Variants in PCDH15 observed in about 807,000 individuals in gnomAD.
The protein encoded by PCDH15 is protocadherin-15.
PCDH15 carries 129 observed loss-of-function variants against 178.5 expected under a neutral mutation model. The ratio of observed to expected loss-of-function variants is 0.72; its 90% CI spans 0.63 to 0.84. The LOEUF (loss-of-function observed/expected upper bound fraction) is 0.84, where lower values mean the gene tolerates loss of function less well. PCDH15 is among the 40% of genes least tolerant of loss of function. PCDH15 has a pLI of 0.00. For synonymous variants in PCDH15, 800 were observed against 732.0 expected, an observed-to-expected ratio of 1.09 and a Z score of -1.50; for missense variants, 2,230 against 2,099.9, an observed-to-expected ratio of 1.06 and a Z score of -1.21.
At chr10:55,343,324 A>G (rs1383224837) in intron 2 of PCDH15, among the ~76,000 whole-genome samples, 1 of 152,138 alleles carries the variant, frequency 6.6e-6, no homozygotes, top group Non-Finnish European at 1.5e-5. Flanking sequence ...AACAAAAACC[A>G]ACTTTTATTC....
chr10:55,140,494 T>C (rs868315484), intron 2 of PCDH15, among the ~76,000 whole-genome samples: 10 of 151,976 alleles, frequency 6.6e-5, no homozygotes, highest in African/African-American at 2.4e-4. Flanking sequence ...CCTATGTATA[T>C]ATTAGATTAC....
At chr10:55,612,443 A>G (rs1843387203) in intron 2 of PCDH15, among the ~76,000 whole-genome samples, 2 of 152,130 alleles carry the variant, frequency 1.3e-5, no homozygotes, top group African/African-American at 4.8e-5. Context: ...ACGTCATAAG[A>G]AGACAGGAAA....
intron 2 of PCDH15, among the ~76,000 whole-genome samples, chr10:55,088,775 A>G (rs1842242636): frequency 6.6e-6 from 1 of 151,554 alleles, no homozygotes; most frequent in Non-Finnish European, 1.5e-5. Flanking sequence ...AATTTAAAGA[A>G]TACCTTCATA....
At chr10:54,121,483 A>G (rs2095218632) in intron 15 of PCDH15, among the ~76,000 whole-genome samples, 1 of 152,118 alleles carries the variant, frequency 6.6e-6, no homozygotes, top group Non-Finnish European at 1.5e-5. Flanking sequence ...ATTCCACACA[A>G]AGGATAAATG....
At chr10:55,455,715 T>A (rs1839536056) in intron 2 of PCDH15, among the ~76,000 whole-genome samples, 1 of 151,910 alleles carries the variant, frequency 6.6e-6, no homozygotes, top group Non-Finnish European at 1.5e-5. Flanking sequence ...TGAGGACAAT[T>A]TGCCTGTATA....
chr10:54,811,552 C>T (rs1255074590), intron 3 of PCDH15, among the ~76,000 whole-genome samples: 1 of 152,120 alleles, frequency 6.6e-6, no homozygotes, highest in Non-Finnish European at 1.5e-5. Context: ...CTCACTGCAA[C>T]CTCTGCCTCC....
intron 2 of PCDH15, among the ~76,000 whole-genome samples, chr10:55,433,533 C>T (rs987549803): frequency 6.6e-6 from 1 of 151,930 alleles, no homozygotes; most frequent in Non-Finnish European, 1.5e-5. Flanking sequence ...TGCAATTTAG[C>T]TATATAACAA....
At chr10:54,752,131 C>G (rs559798722) in intron 1 of PCDH15, among the ~76,000 whole-genome samples, 13 of 152,208 alleles carry the variant, frequency 8.5e-5, no homozygotes, top group African/African-American at 3.1e-4. Context: ...TGTATAAGCA[C>G]TAAACATTGT....
At chr10:53,973,703 T>C (rs2089954465) in intron 21 of PCDH15, among the ~76,000 whole-genome samples, 1 of 152,138 alleles carries the variant, frequency 6.6e-6, no homozygotes, top group Non-Finnish European at 1.5e-5. Context: ...ATTCACACAG[T>C]ATTACCACTA....
At chr10:55,467,783 G>A (rs920906277) in intron 2 of PCDH15, among the ~76,000 whole-genome samples, 2 of 151,522 alleles carry the variant, frequency 1.3e-5, no homozygotes, top group Admixed American at 6.6e-5. Context: ...CGCTGACAGG[G>A]TGAAACCCCG....
intron 2 of PCDH15, among the ~76,000 whole-genome samples, chr10:55,054,558 G>T (rs1841248989): frequency 1.3e-5 from 2 of 152,150 alleles, no homozygotes; most frequent in Admixed American, 1.3e-4. Flanking sequence ...TGGGATTACT[G>T]GGTCAAATAG....
chr10:54,416,978 C>T (rs1397501409), intron 3 of PCDH15, among the ~76,000 whole-genome samples: 1 of 151,886 alleles, frequency 6.6e-6, no homozygotes, highest in Non-Finnish European at 1.5e-5. Flanking sequence ...TTGTTTTTTT[C>T]TTGTAAATTT....
At chr10:54,366,293 A>G (rs998642693) in intron 5 of PCDH15, among the ~76,000 whole-genome samples, 2 of 152,116 alleles carry the variant, frequency 1.3e-5, no homozygotes, top group Non-Finnish European at 2.9e-5. Flanking sequence ...GACATTAACA[A>G]TCTATTAAAC....
chr10:54,162,016 T>C (rs1318704290), intron 13 of PCDH15, among the ~76,000 whole-genome samples: 2 of 152,108 alleles, frequency 1.3e-5, no homozygotes, highest in African/African-American at 4.8e-5. Flanking sequence ...TATACATACA[T>C]GAGGACATGT....
At chr10:55,525,564 A>C (rs1273752955) in intron 2 of PCDH15, among the ~76,000 whole-genome samples, 9 of 151,872 alleles carry the variant, frequency 5.9e-5, no homozygotes, top group Non-Finnish European at 1.3e-4. Context: ...TCTGCTTATA[A>C]GGAAGTCTAC....
intron 2 of PCDH15, among the ~76,000 whole-genome samples, chr10:55,138,297 G>A (rs778171804): frequency 1.3e-5 from 2 of 152,014 alleles, no homozygotes; most frequent in Admixed American, 6.6e-5. Flanking sequence ...GTTCTTTTAC[G>A]TGTTTACCCT....
chr10:55,240,051 G>A (rs1332318979), intron 1 of PCDH15, among the ~76,000 whole-genome samples: 1 of 152,116 alleles, frequency 6.6e-6, no homozygotes, highest in African/African-American at 2.4e-5. Context: ...GGATGTGGAG[G>A]AAGCGGAACC....
At chr10:54,303,591 T>C (rs191219528) in intron 8 of PCDH15, among the ~76,000 whole-genome samples, 3 of 152,232 alleles carry the variant, frequency 2.0e-5, no homozygotes, top group East Asian at 3.9e-4. Context: ...CTGCAATGTA[T>C]ACAAGAGAAT....
intron 1 of PCDH15, among the ~76,000 whole-genome samples, chr10:55,193,428 T>C (rs1033753038): frequency 2.0e-5 from 3 of 151,990 alleles, no homozygotes; most frequent in Non-Finnish European, 4.4e-5. Context: ...TATGCAATTA[T>C]GTTAAAATTA....
Sources: allele counts gnomAD v4.1 joint callset (sites outside exome capture counted in the v4.1 genomes callset), GRCh38; gene constraint gnomAD v4.1.1; transcripts MANE v1.5; gene names NCBI Gene and HGNC (gene_info 2026-07-23, HGNC 2026-07-21).